The following ARL8A variants were observed in gnomAD, a reference collection of about 807,000 sequenced individuals.
ARL8A encodes the protein ARF like GTPase 8A, also known as ADP-ribosylation factor-like protein 8A.
Under a neutral mutation model 31.2 loss-of-function variants are expected in ARL8A, and 10 were observed. That is an observed-to-expected ratio of 0.32 (90% confidence interval 0.20 to 0.54). ARL8A has a LOEUF of 0.54. Among genes scored for constraint, ARL8A ranks in the 20% least tolerant of loss-of-function variants. The pLI, the probability that ARL8A is intolerant of heterozygous loss-of-function variation, is 0.93. For synonymous variants in ARL8A, 70 were observed against 86.9 expected (o/e 0.81, Z 1.08); for missense variants, 129 against 242.8 (o/e 0.53, Z 3.12).
In ARL8A at chr1:202,138,186, GTCTACCTTAGAAGTCT is replaced by G. The variant is rs1655067011; in HGVS notation, c.205-164_205-149del. ...TCTCCCCCGTCTCCACCCGCTCTCC[GTCTACCTTAGAAGTCT>G]TCTACTGTCTTTTCCCAGCTCCTCA... On this transcript the variant is annotated intron_variant, in intron 2 of 6. Coordinates refer to ENST00000272217, the MANE Select transcript of ARL8A (RefSeq NM_138795.4). This position sits in a 1 kb window ranked among gnomAD's most constrained non-coding sequence, Gnocchi z 4.4. The G allele has an allele frequency of 7.8e-6, 9 of 1,153,994 alleles. No homozygotes were observed. The South Asian group carries it at 1.2e-4, about 16-fold the overall frequency. The allele number at this position is 1,153,994 out of a possible 1,614,324, so 71.5% of individuals were successfully genotyped here. A position where few individuals can be genotyped will look rare whatever the true frequency, so the allele number is the denominator to read the frequency against.
chr1:202,135,289 G>T lies in ARL8A; in HGVS notation c.441-69C>A. On this transcript the variant is annotated intron_variant, in intron 5 of 6. Transcript: ENST00000272217. This position sits in a 1 kb window ranked among gnomAD's most constrained non-coding sequence, Gnocchi z 5.3. ...AGGGGGCCTGGGGCTAGGGGACAGC[G>T]GGGCCTTTTTCTTACCTAAGAGGCT... 1 of 1,531,596 alleles carries T rather than the reference G, an allele frequency of 6.5e-7. No homozygotes were observed. The highest frequency in any genetic ancestry group is 1.7e-5 in the Admixed American group (1 of 59,686). 94.9% of individuals were successfully genotyped at this position (1,531,596 alleles called of 1,614,324 possible).
intron 3 of ARL8A, among the ~76,000 whole-genome samples, chr1:202,137,334 T>C (rs1170433575): frequency 6.6e-6 from 1 of 152,134 alleles, no homozygotes; most frequent in Non-Finnish European, 1.5e-5. Context: ...AAAAAAACAT[T>C]ATTTTTAAAA....
At position 202,138,328 on chromosome 1, in the gene ARL8A, A is replaced by G. The variant is rs772262414; in HGVS notation, c.204+40T>C. 38 of 1,464,094 alleles carry G rather than the reference A, an allele frequency of 2.6e-5. No homozygotes were observed. The highest frequency in any genetic ancestry group is 3.4e-5 in the Non-Finnish European group (36 of 1,061,046). The allele number at this position is 1,464,094 out of a possible 1,614,324, so 90.7% of individuals were successfully genotyped here. A position where few individuals can be genotyped will look rare whatever the true frequency, so the allele number is the denominator to read the frequency against. ...ACACACACACACACACACACACACA[A>G]AAACAGTCCTCTGCACCCCCCAAGC... On this transcript the variant is annotated intron_variant, in intron 2 of 6. Coordinates refer to ENST00000272217, the MANE Select transcript of ARL8A (RefSeq NM_138795.4). This position sits in a 1 kb window ranked among gnomAD's most constrained non-coding sequence, Gnocchi z 4.4.
chr1:202,138,499 A>G lies in ARL8A; in HGVS notation c.124-51T>C, dbSNP rs4950830. ...ACAGTGCAAAAATCGATATGCCCCC[A>G]CCGCAGACCAAGAGGCTGCGAGAAC... On this transcript the variant is annotated intron_variant, in intron 1 of 6. Transcript: ENST00000272217. The surrounding 1 kb of genome is among the most constrained non-coding windows in gnomAD (Gnocchi z 4.4). 0.013 allele frequency: 19,702 copies of G among 1,551,634 alleles called. 1,192 individuals are homozygous for G. The East Asian group carries it at 0.16, about 13-fold the overall frequency.
Position 202,138,255 on chromosome 1 carries a change from T to C in ARL8A, c.204+113A>G. ...AGGGGGACCCTGGCCTCTGCCCCAC[T>C]TCAGCTCGCTCCTCCCAGGGGCCTC... is the stretch of plus-strand genomic sequence containing the variant. On this transcript the variant is annotated intron_variant, in intron 2 of 6. Coordinates refer to ENST00000272217, the MANE Select transcript of ARL8A (RefSeq NM_138795.4). This position sits in a 1 kb window ranked among gnomAD's most constrained non-coding sequence, Gnocchi z 4.4. The C allele has an allele frequency of 7.7e-7, 1 of 1,298,398 alleles. No individual in the cohort carries two copies. Among genetic ancestry groups the C allele is most frequent in the Non-Finnish European group, 1.1e-6 (1 of 915,878 alleles). 80.4% of individuals were successfully genotyped at this position (1,298,398 alleles called of 1,614,324 possible).
rs1165922273 is a variant in ARL8A at position 202,137,951 on chromosome 1, T to G, written c.278+14A>C. On this transcript the variant is annotated intron_variant, in intron 3 of 6. Coordinates refer to ENST00000272217, the MANE Select transcript of ARL8A (RefSeq NM_138795.4). ...GGTAAGGCTGGAGTCTGGCGATGCC[T>G]CCCGTGTACTTACACGATGGCGCTC... The G allele has an allele frequency of 6.2e-7, 1 of 1,613,956 alleles. No homozygotes were observed. Among genetic ancestry groups the G allele is most frequent in the East Asian group, 2.2e-5 (1 of 44,878 alleles).
rs538193206 is a variant in ARL8A, at chr1:202,138,934, C to G, written c.124-486G>C. Among the ~76,000 whole-genome samples the G allele has an allele frequency of 6.6e-6, 1 of 152,206 alleles. No individual in the cohort carries two copies. Among genetic ancestry groups the G allele is most frequent in the Non-Finnish European group, 1.5e-5 (1 of 68,042 alleles). On this transcript the variant is annotated intron_variant, in intron 1 of 6. Transcript: ENST00000272217. The surrounding 1 kb of genome is among the most constrained non-coding windows in gnomAD (Gnocchi z 4.4). ...AAATGCAGTGCATGCCAAGCAATTT[C>G]TGGATTATCCATGGTTCAGTTTATT... is the stretch of plus-strand genomic sequence containing the variant.
At chr1:202,136,947 T>C (rs1655025574) in intron 3 of ARL8A, among the ~76,000 whole-genome samples, 2 of 152,160 alleles carry the variant, frequency 1.3e-5, no homozygotes, top group Non-Finnish European at 2.9e-5. Context: ...CTCCGCCTCC[T>C]GGGTTCACGC....
chr1:202,139,698 T>G (rs1364045642), intron 1 of ARL8A, among the ~76,000 whole-genome samples: 1 of 121,110 alleles, frequency 8.3e-6, no homozygotes, highest in East Asian at 3.0e-4. Context: ...CAGGCTGGAG[T>G]GCAGTGATGT....
In ARL8A at chr1:202,134,749, TG is replaced by T. The variant is rs1469059306; in HGVS notation, c.512-234del. Among the ~76,000 whole-genome samples, 4 of 152,116 alleles carry T rather than the reference TG, an allele frequency of 2.6e-5. No homozygotes were observed. Among genetic ancestry groups the T allele is most frequent in the Non-Finnish European group, 5.9e-5 (4 of 68,018 alleles). On this transcript the variant is annotated intron_variant, in intron 6 of 6. Transcript: ENST00000272217. This position sits in a 1 kb window ranked among gnomAD's most constrained non-coding sequence, Gnocchi z 4.2. The stretch of plus-strand genomic sequence containing the variant: ...ATGGTCACGCCACTGAACTCCAGCC[TG>T]GGTGACAGAGCGAGACACTTTCTCA...
rs1025317794 is a variant in ARL8A at position 202,144,008 on chromosome 1, C to T, written c.123+442G>A. Among the ~76,000 whole-genome samples the T allele has an allele frequency of 1.1e-4, 16 of 152,246 alleles. No homozygotes were observed. The highest frequency in any genetic ancestry group is 1.0e-3 in the Admixed American group (16 of 15,290). ...GGGTGGGGCTGGGCTTGCCCAAACCCCCTCCTCAAGCCTCTCGGCCGCCCC... is the reference window on the plus strand; with the variant it reads ...GGGTGGGGCTGGGCTTGCCCAAACCTCCTCCTCAAGCCTCTCGGCCGCCCC... On this transcript the variant is annotated intron_variant, in intron 1 of 6. Coordinates refer to ENST00000272217, the MANE Select transcript of ARL8A (RefSeq NM_138795.4). The surrounding 1 kb of genome is among the most constrained non-coding windows in gnomAD (Gnocchi z 5.2).
In ARL8A at chr1:202,135,844, G is replaced by A; in HGVS notation, c.279-44C>T. Reference sequence around the variant, plus strand: ...TGGGGACAAGCATGTTGACACCACAGGCTGAGGTGGTGCAAGGAAGAGAAG... The same window carrying A: ...TGGGGACAAGCATGTTGACACCACAAGCTGAGGTGGTGCAAGGAAGAGAAG... On this transcript the variant is annotated intron_variant, in intron 3 of 6. Transcript: ENST00000272217. The surrounding 1 kb of genome is among the most constrained non-coding windows in gnomAD (Gnocchi z 5.3). The A allele has an allele frequency of 6.6e-7, 1 of 1,521,180 alleles. No individual in the cohort carries two copies. The highest frequency in any genetic ancestry group is 9.1e-7 in the Non-Finnish European group (1 of 1,095,738). The allele number at this position is 1,521,180 out of a possible 1,614,324, so 94.2% of individuals were successfully genotyped here.
At chr1:202,141,519 G>C (rs1655163299) in intron 1 of ARL8A, among the ~76,000 whole-genome samples, 1 of 151,942 alleles carries the variant, frequency 6.6e-6, no homozygotes, top group South Asian at 2.1e-4. Flanking sequence ...GTGTATGCCT[G>C]TAATCCCAGC....
In ARL8A at chr1:202,135,321, G is replaced by A; in HGVS notation, c.441-101C>T. 3 of 1,449,100 alleles carry A rather than the reference G, an allele frequency of 2.1e-6. No individual in the cohort carries two copies. Among genetic ancestry groups the A allele is most frequent in the Non-Finnish European group, 2.9e-6 (3 of 1,031,368 alleles). 89.8% of individuals were successfully genotyped at this position (1,449,100 alleles called of 1,614,324 possible). On this transcript the variant is annotated intron_variant, in intron 5 of 6. Coordinates refer to ENST00000272217, the MANE Select transcript of ARL8A (RefSeq NM_138795.4). The surrounding 1 kb of genome is among the most constrained non-coding windows in gnomAD (Gnocchi z 5.3). Reference sequence around the variant, plus strand: ...TTTTCTTACCTAAGAGGCTACAAAGGGGAGGGTGAGGTGCCTGAAAAGGTC... The same window carrying A: ...TTTTCTTACCTAAGAGGCTACAAAGAGGAGGGTGAGGTGCCTGAAAAGGTC...
In ARL8A at chr1:202,135,285, C is replaced by G. The variant is rs188612416; in HGVS notation, c.441-65G>C. The G allele has an allele frequency of 3.4e-4, 518 of 1,537,628 alleles. No individual in the cohort carries two copies. Among genetic ancestry groups the G allele is most frequent in the Non-Finnish European group, 2.0e-4 (227 of 1,111,138 alleles). On this transcript the variant is annotated intron_variant, in intron 5 of 6. Coordinates refer to ENST00000272217, the MANE Select transcript of ARL8A (RefSeq NM_138795.4). This position sits in a 1 kb window ranked among gnomAD's most constrained non-coding sequence, Gnocchi z 5.3. Reference sequence around the variant, plus strand: ...GTCCAGGGGGCCTGGGGCTAGGGGACAGCGGGGCCTTTTTCTTACCTAAGA... The same window carrying G: ...GTCCAGGGGGCCTGGGGCTAGGGGAGAGCGGGGCCTTTTTCTTACCTAAGA...
chr1:202,134,732 G>A lies in ARL8A; in HGVS notation c.512-216C>T, dbSNP rs187554537. 2.0e-5 allele frequency among the ~76,000 whole-genome samples: 3 copies of A among 152,214 alleles called. No individual in the cohort carries two copies. Among genetic ancestry groups the A allele is most frequent in the African/African-American group, 7.2e-5 (3 of 41,532 alleles). On this transcript the variant is annotated intron_variant, in intron 6 of 6. Coordinates refer to ENST00000272217, the MANE Select transcript of ARL8A (RefSeq NM_138795.4). This position sits in a 1 kb window ranked among gnomAD's most constrained non-coding sequence, Gnocchi z 4.2. ...GGAGGCTGCAGTGAGCTATGGTCAC[G>A]CCACTGAACTCCAGCCTGGGTGACA...
rs751813513 is a variant in ARL8A, at chr1:202,138,487, C to T, written c.124-39G>A. The stretch of plus-strand genomic sequence containing the variant: ...TCAGAATGGGAAACAGTGCAAAAAT[C>T]GATATGCCCCCACCGCAGACCAAGA... On this transcript the variant is annotated intron_variant, in intron 1 of 6. Coordinates refer to ENST00000272217, the MANE Select transcript of ARL8A (RefSeq NM_138795.4). The surrounding 1 kb of genome is among the most constrained non-coding windows in gnomAD (Gnocchi z 4.4). 3.2e-6 allele frequency: 5 copies of T among 1,584,862 alleles called. No homozygotes were observed. The Admixed American group carries it at 5.0e-5, about 16-fold the overall frequency.
chr1:202,141,554 A>G (rs1034519663), intron 1 of ARL8A, among the ~76,000 whole-genome samples: 4 of 151,488 alleles, frequency 2.6e-5, no homozygotes, highest in African/African-American at 9.7e-5. Context: ...AGGCAGGAGA[A>G]TTGCTTGAGC....
At chr1:202,140,321 T>TG (rs1283320508) in intron 1 of ARL8A, among the ~76,000 whole-genome samples, 2 of 151,092 alleles carry the variant, frequency 1.3e-5, no homozygotes, top group African/African-American at 4.9e-5. Flanking sequence ...TTTTGTATTT[T>TG]TAGTAGATTC....
Sources: allele counts gnomAD v4.1 joint callset (sites outside exome capture counted in the v4.1 genomes callset), GRCh38; gene constraint gnomAD v4.1.1; non-coding constraint Gnocchi (gnomAD v3.1); transcripts MANE v1.5; gene names NCBI Gene and HGNC (gene_info 2026-07-23, HGNC 2026-07-21).